The following DLGAP4 variants were observed in gnomAD, a reference collection of about 807,000 sequenced individuals.
DLGAP4 encodes DLG associated protein 4.
Under a neutral mutation model 86.9 loss-of-function variants are expected in DLGAP4, and 18 were observed. That is an observed-to-expected ratio of 0.21 (90% CI 0.14 to 0.31). The LOEUF (loss-of-function observed/expected upper bound fraction) is 0.31, where lower values mean the gene tolerates loss of function less well. Ranked by LOEUF, DLGAP4 falls within the 10% of genes least tolerant of loss-of-function variation. The pLI, the probability that DLGAP4 is intolerant of heterozygous loss-of-function variation, is 1.00. For synonymous variants in DLGAP4, 548 were observed against 574.3 expected, an observed-to-expected ratio of 0.95 and a Z score of 0.65; for missense variants, 1,085 against 1,362.6, an observed-to-expected ratio of 0.80 and a Z score of 3.21.
At chr20:36,507,212 GTTTTT>G (rs71184099) in intron 10 of DLGAP4, among the ~76,000 whole-genome samples, 50 of 147,414 alleles carry the variant, frequency 3.4e-4, no homozygotes, top group African/African-American at 1.1e-3. Flanking sequence ...CACAAAAGTT[GTTTTT>G]TTTTTGTTTT....
rs556279073 is a variant in DLGAP4 at position 36,420,783 on chromosome 20, A to C, written c.-72-10863A>C. 4.4e-3 allele frequency among the ~76,000 whole-genome samples: 670 copies of C among 151,740 alleles called. 7 individuals are homozygous for C. Among genetic ancestry groups the C allele is most frequent in the African/African-American group, 0.016 (644 of 41,426 alleles). On this transcript the variant is annotated intron_variant, in intron 2 of 12. Coordinates refer to ENST00000339266, the MANE Select transcript of DLGAP4 (RefSeq NM_001365621.2). Reference sequence around the variant, plus strand: ...GAGGTCGGGAGTTCAAGCCCAGCCAAACCAACATGGAGAAACCCAGTCTCT... The same window carrying C: ...GAGGTCGGGAGTTCAAGCCCAGCCACACCAACATGGAGAAACCCAGTCTCT...
At chr20:36,427,024 A>G (rs2032991981) in intron 2 of DLGAP4, among the ~76,000 whole-genome samples, 1 of 152,022 alleles carries the variant, frequency 6.6e-6, no homozygotes, top group African/African-American at 2.4e-5. Context: ...ACCAAAAAAA[A>G]AAAAAATGTT....
At chr20:36,399,999 G>A (rs2032109871) in intron 2 of DLGAP4, among the ~76,000 whole-genome samples, 1 of 152,206 alleles carries the variant, frequency 6.6e-6, no homozygotes, top group South Asian at 2.1e-4. Context: ...AATTGTCCCA[G>A]CTGCGTTCCA....
intron 10 of DLGAP4, among the ~76,000 whole-genome samples, chr20:36,518,892 C>T (rs1208192331): frequency 6.6e-6 from 1 of 151,856 alleles, no homozygotes. Flanking sequence ...CTGAGGCAGG[C>T]GGATCACGAG....
chr20:36,489,878 T>TG (rs2035585510), intron 7 of DLGAP4, among the ~76,000 whole-genome samples: 1 of 143,596 alleles, frequency 7.0e-6, no homozygotes, highest in Admixed American at 7.0e-5. Context: ...TTTTTTTTTT[T>TG]GATGGAGTCT....
At position 36,492,141 on chromosome 20, in the gene DLGAP4, A is replaced by G. The variant is rs564635773; in HGVS notation, c.1649-4564A>G. ...GGGGAGGAAGTGGCCGGGGTGAGGT[A>G]TTGGAAGAGGTGGGGGTGAGGTATT... On this transcript the variant is annotated intron_variant, in intron 7 of 12. Transcript: ENST00000339266. Among the ~76,000 whole-genome samples the G allele has an allele frequency of 6.6e-5, 10 of 152,260 alleles. No individual in the cohort carries two copies. In the South Asian group the frequency reaches 1.0e-3, roughly 16 times the overall value.
intron 1 of DLGAP4, among the ~76,000 whole-genome samples, chr20:36,354,696 G>A (rs2030268108): frequency 6.6e-6 from 1 of 152,192 alleles, no homozygotes; most frequent in African/African-American, 2.4e-5. Flanking sequence ...GGAGGCTGAG[G>A]CAGGAGAGTC....
At chr20:36,414,740 G>A (rs1215293559) in intron 2 of DLGAP4, among the ~76,000 whole-genome samples, 3 of 152,354 alleles carry the variant, frequency 2.0e-5, no homozygotes, top group South Asian at 2.1e-4. Context: ...CCCTGTTCCT[G>A]TCCCCCTCCA....
chr20:36,325,765 G>C (rs186473344), intron 1 of DLGAP4, among the ~76,000 whole-genome samples: 113 of 150,494 alleles, frequency 7.5e-4, no homozygotes, highest in African/African-American at 2.5e-3. Context: ...TGCCTGGGCT[G>C]GAGTACAATG....
intron 1 of DLGAP4, among the ~76,000 whole-genome samples, chr20:36,343,527 C>G (rs1030795035): frequency 6.6e-6 from 1 of 152,114 alleles, no homozygotes; most frequent in Non-Finnish European, 1.5e-5. Context: ...TTAGTTCCAC[C>G]GCTTTTTAAT....
intron 2 of DLGAP4, among the ~76,000 whole-genome samples, chr20:36,388,426 A>G (rs1600469571): frequency 6.6e-6 from 1 of 152,196 alleles, no homozygotes; most frequent in South Asian, 2.1e-4. Context: ...AGCCCCCAGA[A>G]CACACGTCCC....
intron 2 of DLGAP4, among the ~76,000 whole-genome samples, chr20:36,405,465 C>T (rs1295130263): frequency 3.9e-5 from 6 of 151,958 alleles, no homozygotes; most frequent in Non-Finnish European, 7.4e-5. Context: ...TGTACACATG[C>T]GAGGGAGGCT....
At chr20:36,415,658 C>A (rs2032632361) in intron 2 of DLGAP4, among the ~76,000 whole-genome samples, 1 of 152,160 alleles carries the variant, frequency 6.6e-6, no homozygotes, top group Non-Finnish European at 1.5e-5. Context: ...GGCTCAAGGT[C>A]ACACAGCAAG....
chr20:36,426,341 C>G lies in DLGAP4; in HGVS notation c.-72-5305C>G, dbSNP rs8118188. On this transcript the variant is annotated intron_variant, in intron 2 of 12. Transcript: ENST00000339266. ...ACCAGCCTGGCCAACATGGTGAAAC[C>G]CGTTCTCCACTAAAAATACAAAAAT... is the stretch of plus-strand genomic sequence containing the variant. Among the ~76,000 whole-genome samples, 859 of 152,220 alleles carry G rather than the reference C, an allele frequency of 5.6e-3. 7 individuals carry two copies. The highest frequency in any genetic ancestry group is 0.02 in the African/African-American group (813 of 41,532).
chr20:36,448,266 T>A (rs1024222439), intron 7 of DLGAP4, among the ~76,000 whole-genome samples: 1 of 152,136 alleles, frequency 6.6e-6, no homozygotes, highest in African/African-American at 2.4e-5. Context: ...AGGAGGGACA[T>A]CTGAGCCCAG....
intron 2 of DLGAP4, among the ~76,000 whole-genome samples, chr20:36,377,381 G>A (rs1307644181): frequency 6.6e-6 from 1 of 152,104 alleles, no homozygotes; most frequent in Non-Finnish European, 1.5e-5. Context: ...CTGAACCTTG[G>A]TTTCCTCATC....
intron 5 of DLGAP4, among the ~76,000 whole-genome samples, 200 bp from the exon 6 acceptor site, chr20:36,442,526 CT>C (rs1265745537): frequency 6.6e-6 from 1 of 152,184 alleles, no homozygotes; most frequent in Non-Finnish European, 1.5e-5. Context: ...ATTATAAGTC[CT>C]CAGTAATGCC....
At position 36,328,667 on chromosome 20, in the gene DLGAP4, C is replaced by T. The variant is rs375036838; in HGVS notation, c.-304+22155C>T. ...TTTTGAGACGGAATTTTGCTCTTAT[C>T]GCCCAGGCTGGAGTGCAGTGGTGCG... On this transcript the variant is annotated intron_variant, in intron 1 of 12. Coordinates refer to ENST00000339266, the MANE Select transcript of DLGAP4 (RefSeq NM_001365621.2). Among the ~76,000 whole-genome samples the T allele has an allele frequency of 6.6e-5, 10 of 152,036 alleles. No individual in the cohort carries two copies. In the South Asian group the frequency reaches 8.3e-4, roughly 13 times the overall value.
chr20:36,472,500 CAAAAAAA>C lies in DLGAP4; in HGVS notation c.1649-24189_1649-24183del, dbSNP rs1217814412. Among the ~76,000 whole-genome samples the C allele has an allele frequency of 1.6e-3, 122 of 76,342 alleles. 4 individuals are homozygous for C. Among genetic ancestry groups the C allele is most frequent in the Admixed American group, 2.5e-3 (17 of 6,702 alleles). The allele number at this position is 76,342 out of a possible 152,430, so 50.1% of individuals were successfully genotyped here. A position where few individuals can be genotyped will look rare whatever the true frequency, so the allele number is the denominator to read the frequency against. On this transcript the variant is annotated intron_variant, in intron 7 of 12. Coordinates refer to ENST00000339266, the MANE Select transcript of DLGAP4 (RefSeq NM_001365621.2). ...TGGGTGACAAAGCAAAACCCTGTCT[CAAAAAAA>C]AAAAAAAAAAAAAAATCACTAGCTT... is the stretch of plus-strand genomic sequence containing the variant.
Sources: allele counts gnomAD v4.1 joint callset (sites outside exome capture counted in the v4.1 genomes callset), GRCh38; gene constraint gnomAD v4.1.1; transcripts MANE v1.5; gene names NCBI Gene and HGNC (gene_info 2026-07-23, HGNC 2026-07-21).